DNAJC13: variants seen among roughly 807,000 people sequenced by gnomAD.
The protein encoded by DNAJC13 is DnaJ heat shock protein family (Hsp40) member C13.
A neutral mutation model predicts 290.5 loss-of-function variants in DNAJC13; 75 were observed. The observed-to-expected ratio is 0.26, with a 90% CI of 0.21 to 0.31. The LOEUF (loss-of-function observed/expected upper bound fraction) is 0.31, where lower values mean the gene tolerates loss of function less well. DNAJC13 is among the 10% of genes least tolerant of loss of function. The pLI, the probability that DNAJC13 is intolerant of heterozygous loss-of-function variation, is 1.00. For synonymous variants in DNAJC13, 862 were observed against 892.0 expected (o/e 0.97, Z 0.60); for missense variants, 2,260 against 2,674.5 (o/e 0.85, Z 3.42).
At chr3:132,494,297 A>T (rs1329520383) in intron 34 of DNAJC13, 38 bp downstream of exon 34, 1 of 1,408,474 alleles carries the variant, frequency 7.1e-7, no homozygotes, top group Admixed American at 1.7e-5. Flanking sequence ...TGTCTGTCCC[A>T]CCTTAAAGTA....
intron 43 of DNAJC13, 40 bp downstream of exon 43, chr3:132,507,393 C>A: frequency 2.6e-6 from 3 of 1,154,210 alleles, no homozygotes; most frequent in South Asian, 1.3e-5. Flanking sequence ...TACCTTTGAT[C>A]ATTTGTTACT....
chr3:132,490,684 G>T (rs1327771285), intron 31 of DNAJC13, among the ~76,000 whole-genome samples: 1 of 152,158 alleles, frequency 6.6e-6, no homozygotes, highest in Admixed American at 6.5e-5. Flanking sequence ...GAGGCTGTTG[G>T]TTCTGCCTTA....
chr3:132,538,113 TA>T, intron 55 of DNAJC13, 62 bp from the exon 56 acceptor site: 1 of 1,377,168 alleles, frequency 7.3e-7, no homozygotes. Flanking sequence ...GACATTTTTA[TA>T]AAGGTCAATG....
chr3:132,489,063 C>T (rs778203963), intron 31 of DNAJC13, 42 bp downstream of exon 31: 6 of 1,541,150 alleles, frequency 3.9e-6, no homozygotes, highest in Non-Finnish European at 5.4e-6. Flanking sequence ...CCTGGGTAAG[C>T]TGTTTTGGCA....
chr3:132,449,062 CT>C, intron 5 of DNAJC13, among the ~76,000 whole-genome samples: 1 of 152,112 alleles, frequency 6.6e-6, no homozygotes, highest in Non-Finnish European at 1.5e-5. Flanking sequence ...GAAACAGTAC[CT>C]CTAGAAGATT....
At chr3:132,422,292 C>G (rs969386205) in intron 1 of DNAJC13, among the ~76,000 whole-genome samples, 1 of 152,130 alleles carries the variant, frequency 6.6e-6, no homozygotes, top group Non-Finnish European at 1.5e-5. Context: ...CCACCTCAGC[C>G]TCTCAGAATG....
At chr3:132,501,726 T>TG (rs1324272908) in intron 39 of DNAJC13, among the ~76,000 whole-genome samples, 10 of 152,154 alleles carry the variant, frequency 6.6e-5, no homozygotes, top group Non-Finnish European at 1.3e-4. Context: ...ATGAGATAGA[T>TG]GACTGGGAGG....
At chr3:132,516,909 G>A in intron 48 of DNAJC13, 93 bp downstream of exon 48, 1 of 1,067,032 alleles carries the variant, frequency 9.4e-7, no homozygotes, top group Non-Finnish European at 1.4e-6. Context: ...ATCTGAGATG[G>A]TGAGGATAAG....
chr3:132,473,317 CTTTATGCCACATGTATT>C (rs1934352727), intron 21 of DNAJC13, 90 bp downstream of exon 21: 1 of 845,118 alleles, frequency 1.2e-6, no homozygotes, highest in African/African-American at 1.7e-5. Context: ...GAAACTGTTG[CTTTATGCCACATGTATT>C]TTTATGCCAT....
rs1576452716 is a variant in DNAJC13, at chr3:132,426,127, G to C, written c.-14+8367G>C. Reference sequence around the variant, plus strand: ...TGTTGTTCGAAAGCATGATGCAGTAGTATTCATTGAGAGAGGTGAATCTAG... The same window carrying C: ...TGTTGTTCGAAAGCATGATGCAGTACTATTCATTGAGAGAGGTGAATCTAG... On this transcript the variant is annotated intron_variant, in intron 1 of 55. Coordinates refer to ENST00000260818, the MANE Select transcript of DNAJC13 (RefSeq NM_015268.4). Among the ~76,000 whole-genome samples, 8 of 152,296 alleles carry C rather than the reference G, an allele frequency of 5.3e-5. No homozygotes were observed. In the South Asian group the frequency reaches 1.4e-3, roughly 28 times the overall value.
At position 132,507,328 on chromosome 3, in the gene DNAJC13, A is replaced by G. The variant is rs1440524226; in HGVS notation, c.5090A>G (p.Asn1697Ser). Residue 1697 changes from asparagine (N) to serine (S), a missense_variant, in exon 43 of 56, where the codon AAT becomes AGT. Asn to Ser is a conservative substitution (Grantham distance 46, BLOSUM62 1). Coordinates refer to ENST00000260818, the MANE Select transcript of DNAJC13 (RefSeq NM_015268.4). ...GGGGAGATTTTTGTTAGGGTGTATA[A>G]TGAAGTTCCTACTTTCCAACTGGAG... ...IVGEIFVRVYNEVPTFQLEVP... is the reference protein window; with the variant it reads ...IVGEIFVRVYSEVPTFQLEVP... 1.2e-6 allele frequency: 2 copies of G among 1,608,484 alleles called. No homozygotes were observed. The highest frequency in any genetic ancestry group is 1.7e-6 in the Non-Finnish European group (2 of 1,175,034).
intron 2 of DNAJC13, among the ~76,000 whole-genome samples, chr3:132,445,957 T>C (rs561902167): frequency 6.6e-6 from 1 of 152,200 alleles, no homozygotes; most frequent in Admixed American, 6.5e-5. Context: ...GGTGTAGGCT[T>C]CCTACTTCTA....
chr3:132,466,476 A>T (rs2107678500), intron 19 of DNAJC13, 82 bp downstream of exon 19: 1 of 1,180,784 alleles, frequency 8.5e-7, no homozygotes, highest in East Asian at 2.6e-5. Flanking sequence ...ACACGTTAAA[A>T]ATTTTAGAAA....
chr3:132,472,475 G>A, intron 20 of DNAJC13: 1 of 754,258 alleles, frequency 1.3e-6, no homozygotes, highest in Non-Finnish European at 1.6e-6. Flanking sequence ...GTATTGATGT[G>A]TAATAGATAT....
rs1933642204 is a variant in DNAJC13 at position 132,457,328 on chromosome 3, T to C, written c.1409T>C (p.Ile470Thr). Residue 470 changes from isoleucine to threonine, a missense_variant, in exon 13 of 56, where the codon ATA becomes ACA. By Grantham distance (89) the Ile-to-Thr change is moderately conservative. Around this residue, in one of 3 missense-constraint regions of DNAJC13, gnomAD observed 762 missense variants for 964.1 expected, o/e 0.79. Transcript: ENST00000260818. ...VKALKRSNNGIIHAAVDMLCA... is the reference protein window; with the variant it reads ...VKALKRSNNGTIHAAVDMLCA... ...GCACTCAAAAGAAGCAACAACGGAA[T>C]AATCCATGCAGCAGTTGATATGCTT... The C allele has an allele frequency of 1.2e-6, 2 of 1,613,524 alleles. No homozygotes were observed. Among genetic ancestry groups the C allele is most frequent in the African/African-American group, 2.7e-5 (2 of 74,886 alleles).
rs780318368 is a variant in DNAJC13 at position 132,505,291 on chromosome 3, T to A, written c.4885-11T>A. 1.3e-6 allele frequency: 2 copies of A among 1,522,386 alleles called. No homozygotes were observed. The highest frequency in any genetic ancestry group is 2.3e-5 in the South Asian group (2 of 86,576). The allele number at this position is 1,522,386 out of a possible 1,614,324, so 94.3% of individuals were successfully genotyped here. On this transcript the variant is annotated splice_polypyrimidine_tract_variant and intron_variant, in intron 41 of 55. Transcript: ENST00000260818. Reference sequence around the variant, plus strand: ...CACTAAATGTTATAAAACGGTAATATTGTCTCCTAGATTTTGAAGATGCTT... The same window carrying A: ...CACTAAATGTTATAAAACGGTAATAATGTCTCCTAGATTTTGAAGATGCTT...
In DNAJC13 at chr3:132,538,985, T is replaced by A. The variant is rs1343268238; in HGVS notation, c.*703T>A. 6.6e-6 allele frequency: 1 copy of A among 152,660 alleles called. No individual in the cohort carries two copies. 9.5% of individuals were successfully genotyped at this position (152,660 alleles called of 1,614,324 possible). A position where few individuals can be genotyped will look rare whatever the true frequency, so the allele number is the denominator to read the frequency against. On this transcript the variant is annotated 3_prime_UTR_variant, in exon 56 of 56. Coordinates refer to ENST00000260818, the MANE Select transcript of DNAJC13 (RefSeq NM_015268.4). ...ACATTATACAGATCATTCATATGTG[T>A]ACATAAAATTTTAAAAATAAAGGGA... is the stretch of plus-strand genomic sequence containing the variant.
chr3:132,496,605 A>G lies in DNAJC13; in HGVS notation c.4098A>G (p.Pro1366=). The G allele has an allele frequency of 6.2e-7, 1 of 1,611,698 alleles. No individual in the cohort carries two copies. Among genetic ancestry groups the G allele is most frequent in the Non-Finnish European group, 8.5e-7 (1 of 1,178,870 alleles). Residue 1366 remains proline (P), a synonymous_variant, in exon 36 of 56, where the codon CCA becomes CCG. Coordinates refer to ENST00000260818, the MANE Select transcript of DNAJC13 (RefSeq NM_015268.4). ...KSAKIVDGPD[P]ENIILILKTQ... ...CAAAAATAGTGGATGGGCCAGATCC[A>G]GAGAATATAATTTTAATTCTAAAAA...
chr3:132,434,222 CAAAA>C (rs1303718395), intron 1 of DNAJC13, among the ~76,000 whole-genome samples: 2 of 101,564 alleles, frequency 2.0e-5, no homozygotes, highest in African/African-American at 3.6e-5. Flanking sequence ...AAAAAAAAAA[CAAAA>C]AACAAAAAAA....
Sources: allele counts gnomAD v4.1 joint callset (sites outside exome capture counted in the v4.1 genomes callset), GRCh38; gene constraint gnomAD v4.1.1; regional missense constraint gnomAD v4.1.1; transcripts MANE v1.5; gene names NCBI Gene and HGNC (gene_info 2026-07-23, HGNC 2026-07-21).